Variants in H4C15 observed in about 807,000 individuals in gnomAD.
H4C15 encodes the protein H4 clustered histone 15.
chr1:149,848,801 T>C, the H4C15 span: 3 of 152,224 alleles, frequency 2.0e-5, no homozygotes, highest in Non-Finnish European at 4.4e-5. Flanking sequence ...TATAGGACTA[T>C]GAACTACTAA....
At chr1:149,846,981 C>T in the H4C15 span, 3 of 152,186 alleles carry the variant, frequency 2.0e-5, no homozygotes, top group Admixed American at 1.3e-4. Context: ...CAATTTTACT[C>T]GGTAGAAATC....
chr1:149,848,394 T>C, the H4C15 span: 7 of 152,216 alleles, frequency 4.6e-5, no homozygotes, highest in Admixed American at 2.6e-4. Context: ...GGATCCAAGG[T>C]TGGCTGAACT....
At chr1:149,846,741 A>C in the H4C15 span, 1 of 152,220 alleles carries the variant, frequency 6.6e-6, no homozygotes, top group Non-Finnish European at 1.5e-5. Flanking sequence ...GTCTCTTAAA[A>C]ATAGGATATT....
At chr1:149,846,015 TGGA>T in the H4C15 span, 1 of 148,262 alleles carries the variant, frequency 6.7e-6, no homozygotes, top group African/African-American at 2.6e-5. Flanking sequence ...TATGAGAATC[TGGA>T]GTTTAGGAAA....
the H4C15 span, chr1:149,844,858 C>A: frequency 6.6e-6 from 1 of 151,322 alleles, no homozygotes; most frequent in Admixed American, 6.6e-5. Flanking sequence ...CATTTTCCTG[C>A]TTTTACACAT....
chr1:149,850,175 A>G (rs1036362802), downstream of H4C15: 20 of 652,508 alleles, frequency 3.1e-5, no homozygotes, highest in Non-Finnish European at 5.4e-5. Context: ...AGCAATGCCT[A>G]TGTGAAAAGA....
chr1:149,849,270 C>T (rs1553757410), downstream of H4C15, among the ~76,000 whole-genome samples: 1 of 152,226 alleles, frequency 6.6e-6, no homozygotes, highest in East Asian at 1.9e-4. Context: ...CACCATCACC[C>T]AGAAAGCTTA....
At chr1:149,844,715 A>T in the H4C15 span, 1 of 151,932 alleles carries the variant, frequency 6.6e-6, no homozygotes, top group African/African-American at 2.4e-5. Flanking sequence ...ATCTTCCAGG[A>T]TGACACACTT....
the H4C15 span, chr1:149,844,537 T>A: frequency 6.6e-6 from 1 of 152,006 alleles, no homozygotes; most frequent in Non-Finnish European, 1.5e-5. Context: ...TTTATTAGGA[T>A]TTAAAATACA....
downstream of H4C15, among the ~76,000 whole-genome samples, chr1:149,855,487 G>C (rs1223607167): frequency 1.6e-5 from 2 of 123,156 alleles, no homozygotes; most frequent in African/African-American, 6.0e-5. Flanking sequence ...TTCCTTAGAA[G>C]AGGACTTGTC....
chr1:149,850,897 T>C, downstream of H4C15: 1 of 70,700 alleles, frequency 1.4e-5, no homozygotes, highest in Admixed American at 2.6e-4. Context: ...GGTTCGCGAG[T>C]TTTCCGCGGC....
downstream of H4C15, among the ~76,000 whole-genome samples, chr1:149,855,734 TTGTGTGTGTGTGTGTG>T (rs1177085725): frequency 8.3e-5 from 2 of 24,072 alleles, no homozygotes; most frequent in Non-Finnish European, 1.5e-4. Context: ...TCTACACATT[TTGTGTGTGTGTGTGTG>T]TGTGTGTGTG....
chr1:149,844,533 AG>A, the H4C15 span: 1 of 151,534 alleles, frequency 6.6e-6, no homozygotes, highest in East Asian at 1.9e-4. Context: ...TATTTTTATT[AG>A]GATTTAAAAT....
At chr1:149,850,037 T>G (rs150206302), downstream of H4C15, among the ~76,000 whole-genome samples, 4 of 152,354 alleles carry the variant, frequency 2.6e-5, no homozygotes, top group Admixed American at 6.5e-5. Flanking sequence ...CAGGAAACAA[T>G]CTCCTGGGCA....
At chr1:149,858,635 G>A (rs1390181651), downstream of H4C15, among the ~76,000 whole-genome samples, 2 of 78,176 alleles carry the variant, frequency 2.6e-5, no homozygotes, top group Non-Finnish European at 4.9e-5. Flanking sequence ...AGGGAAGGAA[G>A]AAAGGAAGGA....
chr1:149,847,619 A>G, the H4C15 span: 3 of 152,250 alleles, frequency 2.0e-5, no homozygotes, highest in Non-Finnish European at 4.4e-5. Flanking sequence ...CAGCCTGACT[A>G]ACATGATGAA....
At chr1:149,849,728 G>A (rs2101551072), downstream of H4C15, among the ~76,000 whole-genome samples, 1 of 152,330 alleles carries the variant, frequency 6.6e-6, no homozygotes, top group South Asian at 2.1e-4. Context: ...ACTAGAAAGC[G>A]CAGAAGGTTA....
downstream of H4C15, among the ~76,000 whole-genome samples, chr1:149,849,445 C>T (rs2101550387): frequency 6.6e-6 from 1 of 152,308 alleles, no homozygotes; most frequent in East Asian, 1.9e-4. Flanking sequence ...CTAGGATTTA[C>T]GATCCCCAGA....
chr1:149,850,784 A>ATTTTAGTG, downstream of H4C15: 7 of 51,636 alleles, frequency 1.4e-4, no homozygotes, highest in South Asian at 3.4e-4. Context: ...GGCCAGACCC[A>ATTTTAGTG]AGACCGACAC....
Sources: gnomAD v4.1 joint callset for allele counts (sites outside exome capture counted in the v4.1 genomes callset) on GRCh38, gnomAD v4.1.1 for gene constraint, MANE v1.5 for transcripts, NCBI Gene and HGNC (gene_info 2026-07-23, HGNC 2026-07-21) for gene names.